AGBL4: variants seen among roughly 807,000 people sequenced by gnomAD.
AGBL4 encodes AGBL carboxypeptidase 4.
AGBL4 carries 58 observed loss-of-function variants against 66.4 expected under a neutral mutation model. The observed-to-expected ratio is 0.87, with a 90% confidence interval of 0.71 to 1.09. The LOEUF (loss-of-function observed/expected upper bound fraction) is 1.09. Ranked by LOEUF, AGBL4 falls within the 50% of genes least tolerant of loss-of-function variation. The pLI, the probability that AGBL4 is intolerant of heterozygous loss-of-function variation, is 0.00. For missense variants in AGBL4, 579 were observed against 631.0 expected, an observed-to-expected ratio of 0.92 and a Z score of 0.88; for synonymous variants, 234 against 222.9, an observed-to-expected ratio of 1.05 and a Z score of -0.44.
chr1:49,818,572 T>TC (rs1557477461), intron 2 of AGBL4, among the ~76,000 whole-genome samples: 1 of 152,018 alleles, frequency 6.6e-6, no homozygotes, highest in African/African-American at 2.4e-5. Flanking sequence ...TCCCTATGTT[T>TC]CCCAGGCTGC....
intron 4 of AGBL4, among the ~76,000 whole-genome samples, chr1:49,210,439 T>C (rs115701761): frequency 4.1e-3 from 622 of 152,140 alleles, no homozygotes; most frequent in African/African-American, 0.014. Flanking sequence ...TCCATACACA[T>C]TCTGAAGAGG....
intron 9 of AGBL4, among the ~76,000 whole-genome samples, chr1:48,607,548 G>T (rs2148374324): frequency 6.6e-6 from 1 of 152,236 alleles, no homozygotes; most frequent in Admixed American, 6.5e-5. Flanking sequence ...AATCCAGGAA[G>T]CAGAGGTTGT....
chr1:49,675,945 C>T (rs1355274991), intron 3 of AGBL4, among the ~76,000 whole-genome samples: 1 of 152,070 alleles, frequency 6.6e-6, no homozygotes, highest in Non-Finnish European at 1.5e-5. Context: ...TTCTTGACTG[C>T]AAGTTATGTG....
chr1:49,121,177 G>A (rs1241544875), intron 4 of AGBL4, among the ~76,000 whole-genome samples: 3 of 152,120 alleles, frequency 2.0e-5, no homozygotes, highest in Non-Finnish European at 2.9e-5. Flanking sequence ...GGAGAAGTTT[G>A]TTATTACCAA....
intron 8 of AGBL4, among the ~76,000 whole-genome samples, chr1:48,637,160 A>T (rs918383155): frequency 1.3e-5 from 2 of 152,220 alleles, no homozygotes; most frequent in African/African-American, 4.8e-5. Flanking sequence ...GTAACTCAAA[A>T]ATGCTATATT....
chr1:49,553,758 T>C (rs1037167462), intron 3 of AGBL4, among the ~76,000 whole-genome samples: 4 of 152,224 alleles, frequency 2.6e-5, no homozygotes, highest in African/African-American at 4.8e-5. Flanking sequence ...TTGTATTGTA[T>C]GTATAATTAT....
chr1:49,197,026 G>T (rs959110175), intron 4 of AGBL4, among the ~76,000 whole-genome samples: 2 of 151,948 alleles, frequency 1.3e-5, no homozygotes, highest in Non-Finnish European at 2.9e-5. Context: ...ATGGGGTTTT[G>T]TCATGTTTTC....
intron 4 of AGBL4, among the ~76,000 whole-genome samples, chr1:49,180,287 T>C (rs905987048): frequency 2.6e-5 from 4 of 152,226 alleles, no homozygotes; most frequent in African/African-American, 9.6e-5. Flanking sequence ...GATTAAATGA[T>C]ATAACACATA....
At chr1:49,810,083 C>T (rs1645063707) in intron 2 of AGBL4, among the ~76,000 whole-genome samples, 2 of 152,002 alleles carry the variant, frequency 1.3e-5, no homozygotes, top group African/African-American at 4.8e-5. Context: ...ACATATCATA[C>T]AAAATTGATC....
intron 4 of AGBL4, among the ~76,000 whole-genome samples, chr1:49,097,458 G>C (rs568958351): frequency 6.6e-6 from 1 of 152,128 alleles, no homozygotes; most frequent in Non-Finnish European, 1.5e-5. Context: ...TTTTATGTTT[G>C]TCTAATATAC....
At chr1:49,331,624 C>A (rs1645336079) in intron 3 of AGBL4, among the ~76,000 whole-genome samples, 1 of 151,016 alleles carries the variant, frequency 6.6e-6, no homozygotes, top group South Asian at 2.1e-4. Flanking sequence ...AGCCACCCGG[C>A]CTGTATTCTA....
intron 3 of AGBL4, among the ~76,000 whole-genome samples, chr1:49,544,846 A>G (rs1652351358): frequency 6.6e-6 from 1 of 152,194 alleles, no homozygotes; most frequent in Non-Finnish European, 1.5e-5. Context: ...AGATGAAGAA[A>G]CTGAAACCCA....
chr1:49,416,969 T>G (rs1181421677), intron 3 of AGBL4, among the ~76,000 whole-genome samples: 1 of 152,136 alleles, frequency 6.6e-6, no homozygotes, highest in African/African-American at 2.4e-5. Context: ...GTCAGAGATC[T>G]AAAGCTCACT....
chr1:49,370,978 C>T (rs2148552459), intron 3 of AGBL4, among the ~76,000 whole-genome samples: 1 of 152,228 alleles, frequency 6.6e-6, no homozygotes, highest in South Asian at 2.1e-4. Flanking sequence ...ACACCAAATG[C>T]TCCTACACCA....
At chr1:48,999,704 C>T (rs1022262600) in intron 5 of AGBL4, among the ~76,000 whole-genome samples, 1 of 151,946 alleles carries the variant, frequency 6.6e-6, no homozygotes, top group Admixed American at 6.6e-5. Context: ...CCACTCCCAC[C>T]CAATCCATAT....
At chr1:49,132,961 T>A (rs947212965) in intron 4 of AGBL4, among the ~76,000 whole-genome samples, 6 of 152,144 alleles carry the variant, frequency 3.9e-5, no homozygotes, top group Admixed American at 1.3e-4. Flanking sequence ...GCAGCACTAT[T>A]TACAATAGCA....
chr1:48,702,980 C>T (rs1646826128), intron 6 of AGBL4, among the ~76,000 whole-genome samples: 1 of 152,160 alleles, frequency 6.6e-6, no homozygotes, highest in African/African-American at 2.4e-5. Context: ...TACTTTTAAG[C>T]TTCCTTTTTG....
intron 3 of AGBL4, among the ~76,000 whole-genome samples, chr1:49,452,944 C>A (rs1352030638): frequency 6.6e-6 from 1 of 151,900 alleles, no homozygotes; most frequent in Non-Finnish European, 1.5e-5. Context: ...TTTACCATCC[C>A]TTCTGCCACT....
intron 6 of AGBL4, among the ~76,000 whole-genome samples, chr1:48,808,524 C>G (rs1645979215): frequency 6.6e-6 from 1 of 152,088 alleles, no homozygotes; most frequent in Non-Finnish European, 1.5e-5. Flanking sequence ...TGGAGAGTCC[C>G]AAGGGAAAGG....
Sources: allele counts gnomAD v4.1 joint callset (sites outside exome capture counted in the v4.1 genomes callset), GRCh38; gene constraint gnomAD v4.1.1; transcripts MANE v1.5; gene names NCBI Gene and HGNC (gene_info 2026-07-23, HGNC 2026-07-21).